NEMP2: variants seen among roughly 807,000 people sequenced by gnomAD.
NEMP2 encodes UPF0571 transmembrane protein.
A neutral mutation model predicts 54.2 loss-of-function variants in NEMP2; 53 were observed. The observed-to-expected ratio is 0.98, with a 90% CI of 0.78 to 1.23. The LOEUF (loss-of-function observed/expected upper bound fraction) is 1.23, where lower values mean the gene tolerates loss of function less well. Among genes scored for constraint, NEMP2 ranks in the 50% most tolerant of loss-of-function variants. The pLI, the probability that NEMP2 is intolerant of heterozygous loss-of-function variation, is 0.00. For missense variants in NEMP2, 455 were observed against 511.3 expected, an observed-to-expected ratio of 0.89 and a Z score of 1.06; for synonymous variants, 197 against 190.3, an observed-to-expected ratio of 1.04 and a Z score of -0.29.
Position 190,519,015 on chromosome 2 carries a change from C to CA in NEMP2, c.381dup (p.Val128CysfsTer13). The CA allele has an allele frequency of 6.4e-7, 1 of 1,551,384 alleles. No homozygotes were observed. The highest frequency in any genetic ancestry group is 8.7e-7 in the Non-Finnish European group (1 of 1,146,956). ...TTGACAGGCTCCACAGAGAAGCACACAGTCTCCCTGTATGGATTGATGATT... is the reference window on the plus strand; with the variant it reads ...TTGACAGGCTCCACAGAGAAGCACACAAGTCTCCCTGTATGGATTGATGATT... On this transcript the variant is annotated frameshift_variant, in exon 3 of 9. Coordinates refer to ENST00000409150, the MANE Select transcript of NEMP2 (RefSeq NM_001142645.2). LOFTEE classifies it high-confidence loss of function. The surrounding 1 kb of genome is among the most constrained non-coding windows in gnomAD (Gnocchi z 5.4).
downstream of NEMP2, chr2:190,500,420 C>A: frequency 1.7e-6 from 1 of 602,474 alleles, no homozygotes; most frequent in Non-Finnish European, 2.9e-6. The surrounding 1 kb of genome is among the most constrained non-coding windows in gnomAD (Gnocchi z 5.3). Context: ...TTCGTAATCT[C>A]ATTGGAATTA....
the NEMP2 span, among the ~76,000 whole-genome samples, chr2:190,563,020 A>C: frequency 3.3e-5 from 5 of 152,218 alleles, no homozygotes; most frequent in East Asian, 1.9e-4. The surrounding 1 kb of genome is among the most constrained non-coding windows in gnomAD (Gnocchi z 4.3). Flanking sequence ...TAATTCTGAA[A>C]AGCAAAATTT....
chr2:190,639,897 C>T, the NEMP2 span, among the ~76,000 whole-genome samples: 2 of 152,028 alleles, frequency 1.3e-5, no homozygotes, highest in Admixed American at 1.3e-4. Context: ...ATCTGCCCAC[C>T]TCGGCCTCCC....
At chr2:190,496,714 T>C in the NEMP2 span, among the ~76,000 whole-genome samples, 7 of 152,138 alleles carry the variant, frequency 4.6e-5, no homozygotes, top group Non-Finnish European at 1.0e-4. The surrounding 1 kb of genome is among the most constrained non-coding windows in gnomAD (Gnocchi z 4.7). Context: ...ACATACACAA[T>C]GGAATACTAC....
At chr2:190,633,311 C>CTT in the NEMP2 span, among the ~76,000 whole-genome samples, 32 of 132,498 alleles carry the variant, frequency 2.4e-4, no homozygotes, top group African/African-American at 7.7e-4. Context: ...TCAACTTTTC[C>CTT]TTTTTTTTTT....
chr2:190,437,705 T>C, the NEMP2 span: 2 of 1,034,864 alleles, frequency 1.9e-6, no homozygotes, highest in Non-Finnish European at 2.7e-6. The surrounding 1 kb of genome is among the most constrained non-coding windows in gnomAD (Gnocchi z 5.9). Flanking sequence ...CTGTTTCTTT[T>C]CCTCCTTAAA....
At chr2:190,618,784 G>T in the NEMP2 span, among the ~76,000 whole-genome samples, 3 of 152,160 alleles carry the variant, frequency 2.0e-5, no homozygotes, top group Non-Finnish European at 4.4e-5. Flanking sequence ...TCACTATGTT[G>T]CCCATGCTGA....
chr2:190,610,638 C>A, the NEMP2 span: 5 of 152,232 alleles, frequency 3.3e-5, no homozygotes, highest in Non-Finnish European at 5.9e-5. This position sits in a 1 kb window ranked among gnomAD's most constrained non-coding sequence, Gnocchi z 5.4. Context: ...AAAACAGATT[C>A]TTGTTGCACT....
Position 190,528,546 on chromosome 2 carries a change from GATA to G in NEMP2, c.98-3171_98-3169del, listed in dbSNP as rs1691028241. ...ACACGGACCCAGCAGCCCAAACTAT[GATA>G]ATAATGTTTACTTCCAGACAGGTCT... On this transcript the variant is annotated intron_variant, in intron 1 of 8. Transcript: ENST00000409150. The surrounding 1 kb of genome is among the most constrained non-coding windows in gnomAD (Gnocchi z 4.3). Among the ~76,000 whole-genome samples, 1 of 152,264 alleles carries G rather than the reference GATA, an allele frequency of 6.6e-6. No homozygotes were observed. Among genetic ancestry groups the G allele is most frequent in the Non-Finnish European group, 1.5e-5 (1 of 68,018 alleles).
chr2:190,581,751 T>C, the NEMP2 span, among the ~76,000 whole-genome samples: 3 of 152,152 alleles, frequency 2.0e-5, no homozygotes, highest in African/African-American at 7.2e-5. Context: ...ATAAATATTC[T>C]ATGGGAAAAA....
chr2:190,430,954 G>A, the NEMP2 span, among the ~76,000 whole-genome samples: 5 of 148,692 alleles, frequency 3.4e-5, no homozygotes, highest in East Asian at 2.1e-4. Context: ...CAGACGGGGC[G>A]GCTGCTGGGT....
the NEMP2 span, among the ~76,000 whole-genome samples, chr2:190,421,921 T>C: frequency 2.0e-5 from 3 of 152,140 alleles, no homozygotes; most frequent in Non-Finnish European, 4.4e-5. Flanking sequence ...CTTCCCACTA[T>C]AGAAGAAACC....
At position 190,522,862 on chromosome 2, in the gene NEMP2, CCCCT is replaced by C. The variant is rs1229654742; in HGVS notation, c.213+2397_213+2400del. On this transcript the variant is annotated intron_variant, in intron 2 of 8. Transcript: ENST00000409150. The surrounding 1 kb of genome is among the most constrained non-coding windows in gnomAD (Gnocchi z 5.0). ...TCTACCTATAACCTGGAACACTGCA[CCCCT>C]CTCTGCTTCAAGTTGTCCCACCTTT... Among the ~76,000 whole-genome samples, 1 of 152,154 alleles carries C rather than the reference CCCCT, an allele frequency of 6.6e-6. No homozygotes were observed. The highest frequency in any genetic ancestry group is 2.4e-5 in the African/African-American group (1 of 41,426).
At chr2:190,536,565 C>T (rs1691384066), upstream of NEMP2, among the ~76,000 whole-genome samples, 1 of 152,154 alleles carries the variant, frequency 6.6e-6, no homozygotes, top group African/African-American at 2.4e-5. Context: ...TGCCTAAAAC[C>T]AAGGCAGGAC....
At chr2:190,638,066 G>C in the NEMP2 span, among the ~76,000 whole-genome samples, 1 of 152,178 alleles carries the variant, frequency 6.6e-6, no homozygotes, top group African/African-American at 2.4e-5. The surrounding 1 kb of genome is among the most constrained non-coding windows in gnomAD (Gnocchi z 5.7). Flanking sequence ...GCAGGAGCGG[G>C]AGCAGGGGAG....
chr2:190,453,993 A>G, the NEMP2 span: 1 of 152,238 alleles, frequency 6.6e-6, no homozygotes, highest in Non-Finnish European at 1.5e-5. Context: ...TGTATCTTTT[A>G]TAGGGAAAAT....
At chr2:190,479,484 A>G in the NEMP2 span, among the ~76,000 whole-genome samples, 1 of 152,196 alleles carries the variant, frequency 6.6e-6, no homozygotes, top group Non-Finnish European at 1.5e-5. Context: ...TTAAAAACCC[A>G]TAGGAATTTT....
rs1690303586 is a variant in NEMP2, at chr2:190,510,058, A to G, written c.1130+303T>C. Among the ~76,000 whole-genome samples, 1 of 152,188 alleles carries G rather than the reference A, an allele frequency of 6.6e-6. No individual in the cohort carries two copies. The highest frequency in any genetic ancestry group is 2.4e-5 in the African/African-American group (1 of 41,458). On this transcript the variant is annotated intron_variant, in intron 8 of 8. Coordinates refer to ENST00000409150, the MANE Select transcript of NEMP2 (RefSeq NM_001142645.2). This position sits in a 1 kb window ranked among gnomAD's most constrained non-coding sequence, Gnocchi z 5.7. Reference sequence around the variant, plus strand: ...TCCATCTAAAACAAAACAAAACAAAAAAGATTTTCCCCACCAATAGGGTGA... The same window carrying G: ...TCCATCTAAAACAAAACAAAACAAAGAAGATTTTCCCCACCAATAGGGTGA...
In NEMP2 at chr2:190,520,459, C is replaced by G. The variant is rs1006412185; in HGVS notation, c.214-1276G>C. 6.6e-6 allele frequency among the ~76,000 whole-genome samples: 1 copy of G among 152,174 alleles called. No homozygotes were observed. On this transcript the variant is annotated intron_variant, in intron 2 of 8. Coordinates refer to ENST00000409150, the MANE Select transcript of NEMP2 (RefSeq NM_001142645.2). The surrounding 1 kb of genome is among the most constrained non-coding windows in gnomAD (Gnocchi z 5.4). ...TTCTTTTTCTAAGAGTAGGGCAACC[C>G]TGAAAAGGGGAGTAAGAGCACCAGC...
Sources: allele counts gnomAD v4.1 joint callset (sites outside exome capture counted in the v4.1 genomes callset), GRCh38; gene constraint gnomAD v4.1.1; non-coding constraint Gnocchi (gnomAD v3.1); transcripts MANE v1.5; gene names NCBI Gene and HGNC (gene_info 2026-07-23, HGNC 2026-07-21).